ZNF66: variants seen among roughly 807,000 people sequenced by gnomAD.
ZNF66 encodes zinc finger protein 66.
A neutral mutation model predicts 35.2 loss-of-function variants in ZNF66; 32 were observed. The ratio of observed to expected loss-of-function variants is 0.91; its 90% CI spans 0.69 to 1.22. The LOEUF (loss-of-function observed/expected upper bound fraction) is 1.22. Among genes scored for constraint, ZNF66 ranks in the 50% most tolerant of loss-of-function variants. The pLI is 0.00. For missense variants in ZNF66, 666 were observed against 543.1 expected, an observed-to-expected ratio of 1.23 and a Z score of -2.25; for synonymous variants, 231 against 181.3, an observed-to-expected ratio of 1.27 and a Z score of -2.20.
chr19:20,801,617 T>C (rs914485885), intron 3 of ZNF66, among the ~76,000 whole-genome samples: 8 of 152,038 alleles, frequency 5.3e-5, no homozygotes, highest in African/African-American at 1.9e-4. Context: ...ACTATTGGGA[T>C]TACAGGTGTG....
chr19:20,797,007 C>A (rs1462081782), intron 3 of ZNF66, among the ~76,000 whole-genome samples: 2 of 151,996 alleles, frequency 1.3e-5, no homozygotes, highest in African/African-American at 2.4e-5. Flanking sequence ...TGTGTCACCA[C>A]CCCTGGCAAA....
At chr19:20,805,702 C>A (rs1971495811) in intron 3 of ZNF66, 125 bp from the exon 4 acceptor site, 1 of 422,794 alleles carries the variant, frequency 2.4e-6, no homozygotes, top group Non-Finnish European at 4.2e-6. Flanking sequence ...GAAGAAATTA[C>A]AGCTTGTGAT....
At chr19:20,804,154 C>T (rs1971477209) in intron 3 of ZNF66, among the ~76,000 whole-genome samples, 1 of 151,662 alleles carries the variant, frequency 6.6e-6, no homozygotes, top group East Asian at 1.9e-4. Context: ...TTAAATGTTT[C>T]TGGTTGTTAT....
chr19:20,776,871 T>G (rs541375182), intron 1 of ZNF66, among the ~76,000 whole-genome samples: 1 of 152,150 alleles, frequency 6.6e-6, no homozygotes, highest in African/African-American at 2.4e-5. Flanking sequence ...TCCCCGCACG[T>G]TGGGAGGCCG....
In ZNF66 at chr19:20,806,734, T is replaced by G; in HGVS notation, c.1134T>G (p.Phe378Leu). ...PYKCEECGEA[F>L]KYSCSLTAHK... ...AATGTGAAGAATGTGGTGAAGCCTTTAAGTACTCCTGTTCCCTTACTGCAC... is the reference window on the plus strand; with the variant it reads ...AATGTGAAGAATGTGGTGAAGCCTTGAAGTACTCCTGTTCCCTTACTGCAC... The change falls in exon 4 of 4, where the codon TTT (phenylalanine) becomes TTG (leucine). Residue 378 changes from phenylalanine (F) to leucine (L), a missense_variant. Physicochemically the swap from Phe to Leu is conservative, Grantham distance 22. Coordinates refer to ENST00000344519, the MANE Select transcript of ZNF66 (RefSeq NM_001355197.2). 1 of 1,382,572 alleles carries G rather than the reference T, an allele frequency of 7.2e-7. No homozygotes were observed. Among genetic ancestry groups the G allele is most frequent in the Non-Finnish European group, 1.0e-6 (1 of 972,228 alleles). The allele number at this position is 1,382,572 out of a possible 1,614,324, so 85.6% of individuals were successfully genotyped here.
chr19:20,797,366 C>T (rs1254170617), intron 3 of ZNF66, among the ~76,000 whole-genome samples: 2 of 139,410 alleles, frequency 1.4e-5, no homozygotes, highest in African/African-American at 5.3e-5. Context: ...GCCACCTCGC[C>T]CGGCTAATTT....
At chr19:20,790,046 C>T (rs1971321736) in intron 1 of ZNF66, among the ~76,000 whole-genome samples, 1 of 152,210 alleles carries the variant, frequency 6.6e-6, no homozygotes, top group South Asian at 2.1e-4. Flanking sequence ...GGGGGAGCAA[C>T]ATCAGCTTTG....
At chr19:20,794,749 A>G (rs1568497341) in intron 3 of ZNF66, among the ~76,000 whole-genome samples, 2 of 151,798 alleles carry the variant, frequency 1.3e-5, no homozygotes, top group Admixed American at 6.6e-5. Flanking sequence ...AACCATACAT[A>G]TACTTGTGTG....
chr19:20,792,972 C>T (rs1971352488), intron 2 of ZNF66, among the ~76,000 whole-genome samples: 1 of 151,268 alleles, frequency 6.6e-6, no homozygotes, highest in South Asian at 2.1e-4. Flanking sequence ...GAGGGTGAGG[C>T]AGGAGAATCA....
intron 3 of ZNF66, among the ~76,000 whole-genome samples, chr19:20,800,173 T>TG (rs1971434994): frequency 6.6e-6 from 1 of 152,172 alleles, no homozygotes; most frequent in South Asian, 2.1e-4. Context: ...TGCACTACCA[T>TG]GTCTGGCTAA....
chr19:20,777,325 T>A (rs1971204497), intron 1 of ZNF66, among the ~76,000 whole-genome samples: 1 of 151,976 alleles, frequency 6.6e-6, no homozygotes, highest in South Asian at 2.1e-4. Flanking sequence ...AGTTTCTTAA[T>A]TTGTACAATC....
chr19:20,794,078 A>G (rs1422713989), intron 3 of ZNF66, 200 bp downstream of exon 3: 6 of 580,924 alleles, frequency 1.0e-5, no homozygotes, highest in African/African-American at 1.9e-5. Flanking sequence ...ATGCTTCTAA[A>G]TTCTCTAAAA....
chr19:20,802,213 G>A (rs997697113), intron 3 of ZNF66, among the ~76,000 whole-genome samples: 4 of 152,076 alleles, frequency 2.6e-5, no homozygotes, highest in African/African-American at 9.7e-5. Flanking sequence ...TGTCTCTTTA[G>A]ATTCCATATA....
At chr19:20,805,225 C>G (rs1293538198) in intron 3 of ZNF66, among the ~76,000 whole-genome samples, 1 of 151,998 alleles carries the variant, frequency 6.6e-6, no homozygotes, top group Non-Finnish European at 1.5e-5. Flanking sequence ...TACAGAGTCT[C>G]ACTCTGTCAC....
chr19:20,782,035 A>C (rs11669957), intron 1 of ZNF66, among the ~76,000 whole-genome samples: 14,175 of 152,176 alleles, frequency 0.093, 676 homozygotes, highest in Middle Eastern at 0.11. Context: ...CTCCCAGGCT[A>C]AAGCAATTCT....
intron 3 of ZNF66, among the ~76,000 whole-genome samples, chr19:20,795,551 G>C (rs542346220): frequency 6.6e-6 from 1 of 151,868 alleles, no homozygotes; most frequent in Non-Finnish European, 1.5e-5. Context: ...ATTTTTAGTA[G>C]AGAAGGTGTT....
At chr19:20,798,276 A>T (rs1971414111) in intron 3 of ZNF66, among the ~76,000 whole-genome samples, 2 of 152,046 alleles carry the variant, frequency 1.3e-5, no homozygotes, top group Non-Finnish European at 2.9e-5. Context: ...CATAATGTAA[A>T]ATTTACCATC....
At chr19:20,805,126 T>TGTGTGTGTGTGTGAGAGA (rs752355466) in intron 3 of ZNF66, among the ~76,000 whole-genome samples, 1 of 145,984 alleles carries the variant, frequency 6.9e-6, no homozygotes, top group African/African-American at 2.5e-5. Flanking sequence ...TGTGTGTGTG[T>TGTGTGTGTGTGTGAGAGA]GAGAGAGAGA....
At chr19:20,794,984 G>GC in intron 3 of ZNF66, among the ~76,000 whole-genome samples, 1 of 149,732 alleles carries the variant, frequency 6.7e-6, no homozygotes, top group Admixed American at 6.7e-5. Context: ...TGGCTCTCCT[G>GC]CCTCAGCCTC....
Sources: gnomAD v4.1 joint callset for allele counts (sites outside exome capture counted in the v4.1 genomes callset) on GRCh38, gnomAD v4.1.1 for gene constraint, MANE v1.5 for transcripts, NCBI Gene and HGNC (gene_info 2026-07-23, HGNC 2026-07-21) for gene names.